KSR2: variants seen among roughly 807,000 people sequenced by gnomAD.
KSR2 encodes kinase suppressor of ras 2.
A neutral mutation model predicts 107.8 loss-of-function variants in KSR2; 25 were observed. The observed-to-expected ratio is 0.23, with a 90% confidence interval of 0.17 to 0.32. The LOEUF is 0.32. KSR2 is among the 10% of genes least tolerant of loss of function. The probability of loss-of-function intolerance (pLI) is 1.00; values close to 1 mark genes in which losing one functional copy is unlikely to be tolerated. For missense variants in KSR2, 887 were observed against 1,268.9 expected, an observed-to-expected ratio of 0.70 and a Z score of 4.57; for synonymous variants, 480 against 507.0, an observed-to-expected ratio of 0.95 and a Z score of 0.71.
intron 14 of KSR2, among the ~76,000 whole-genome samples, chr12:117,522,153 G>A (rs1196205242): frequency 6.6e-6 from 1 of 152,104 alleles, no homozygotes; most frequent in Non-Finnish European, 1.5e-5. Flanking sequence ...TCAGAATTTT[G>A]TACATAATAG....
chr12:117,852,181 G>T (rs1892951677), intron 3 of KSR2, among the ~76,000 whole-genome samples: 1 of 152,008 alleles, frequency 6.6e-6, no homozygotes, highest in Non-Finnish European at 1.5e-5. Flanking sequence ...CTAGCACTCT[G>T]GGAGGCCAAG....
intron 9 of KSR2, among the ~76,000 whole-genome samples, chr12:117,551,084 C>T (rs1386663737): frequency 1.3e-5 from 2 of 152,206 alleles, no homozygotes; most frequent in Non-Finnish European, 1.5e-5. Flanking sequence ...GAGATTCAGC[C>T]TCTGCCACTA....
chr12:117,734,322 C>G (rs898636911), intron 4 of KSR2, among the ~76,000 whole-genome samples: 1 of 150,534 alleles, frequency 6.6e-6, no homozygotes, highest in East Asian at 1.9e-4. Flanking sequence ...CACGACTACA[C>G]AGAGGCATTA....
chr12:117,482,171 G>A (rs552799467), intron 16 of KSR2, among the ~76,000 whole-genome samples: 5 of 151,876 alleles, frequency 3.3e-5, no homozygotes, highest in African/African-American at 1.2e-4. Flanking sequence ...GTCAAGCAGA[G>A]AGGCTGCATG....
At chr12:117,681,679 G>A (rs1885367630) in intron 4 of KSR2, among the ~76,000 whole-genome samples, 1 of 152,318 alleles carries the variant, frequency 6.6e-6, no homozygotes, top group East Asian at 1.9e-4. Flanking sequence ...TCACTTTAAA[G>A]TCTTTAATCC....
At chr12:117,957,650 G>A (rs1896552097) in intron 1 of KSR2, among the ~76,000 whole-genome samples, 1 of 152,130 alleles carries the variant, frequency 6.6e-6, no homozygotes, top group Non-Finnish European at 1.5e-5. Context: ...ATTGAAAGGT[G>A]ATGGATTACA....
chr12:117,468,102 T>C (rs1021675987), intron 19 of KSR2, among the ~76,000 whole-genome samples: 1 of 152,186 alleles, frequency 6.6e-6, no homozygotes, highest in African/African-American at 2.4e-5. Context: ...AGTTTTTGCT[T>C]GTTAAAGCTT....
intron 10 of KSR2, among the ~76,000 whole-genome samples, chr12:117,532,097 T>G (rs1339893872): frequency 6.6e-6 from 1 of 152,232 alleles, no homozygotes; most frequent in Admixed American, 6.5e-5. Flanking sequence ...AAATCCTTTG[T>G]GCTTTTTCTG....
Position 117,467,141 on chromosome 12 carries a change from T to G in KSR2, c.*58A>C. 1 of 650,614 alleles carries G rather than the reference T, an allele frequency of 1.5e-6. No homozygotes were observed. Among genetic ancestry groups the G allele is most frequent in the Non-Finnish European group, 2.8e-6 (1 of 359,572 alleles). The allele number at this position is 650,614 out of a possible 1,614,324, so 40.3% of individuals were successfully genotyped here. ...CCTCCTGAGCTGGCAGAGGACAGAG[T>G]AGGGAGGGAGAGGTGACGGGAGCCC... On this transcript the variant is annotated 3_prime_UTR_variant, in exon 20 of 20. Transcript: ENST00000339824.
At chr12:117,879,566 A>T (rs1893963218) in intron 1 of KSR2, among the ~76,000 whole-genome samples, 1 of 152,180 alleles carries the variant, frequency 6.6e-6, no homozygotes, top group Non-Finnish European at 1.5e-5. Context: ...AATAAAAAAT[A>T]ATTAGCCAGG....
At chr12:117,546,801 GTTCTAA>G (rs1876902946) in intron 9 of KSR2, among the ~76,000 whole-genome samples, 1 of 152,128 alleles carries the variant, frequency 6.6e-6, no homozygotes, top group Non-Finnish European at 1.5e-5. Flanking sequence ...CTAATTGTAT[GTTCTAA>G]ATTTTCTAAA....
chr12:117,856,922 C>G (rs1000646323), intron 2 of KSR2, among the ~76,000 whole-genome samples: 1 of 152,114 alleles, frequency 6.6e-6, no homozygotes, highest in Non-Finnish European at 1.5e-5. Context: ...AGCTATGGTG[C>G]CTTTTCAACT....
chr12:117,877,720 A>G (rs151181180), intron 1 of KSR2, among the ~76,000 whole-genome samples: 1 of 152,242 alleles, frequency 6.6e-6, no homozygotes, highest in Non-Finnish European at 1.5e-5. Flanking sequence ...GCTGCCCCCA[A>G]GCCTGTCCCC....
chr12:117,545,605 T>C (rs1421833515), intron 9 of KSR2, among the ~76,000 whole-genome samples: 1 of 152,250 alleles, frequency 6.6e-6, no homozygotes, highest in Non-Finnish European at 1.5e-5. Context: ...ATCCATTTGA[T>C]GACTGCAGGG....
At chr12:117,861,713 G>A (rs1368378621) in intron 1 of KSR2, among the ~76,000 whole-genome samples, 3 of 152,006 alleles carry the variant, frequency 2.0e-5, no homozygotes, top group Non-Finnish European at 4.4e-5. Flanking sequence ...TTTAGGGGAG[G>A]GAAGAGGAAG....
At chr12:117,489,853 G>A (rs921926522) in intron 14 of KSR2, among the ~76,000 whole-genome samples, 5 of 152,286 alleles carry the variant, frequency 3.3e-5, no homozygotes, top group Non-Finnish European at 4.4e-5. Flanking sequence ...AGGCTAGGGC[G>A]GCCCCGGCAA....
At chr12:117,520,444 G>C (rs1320652784) in intron 14 of KSR2, among the ~76,000 whole-genome samples, 1 of 152,160 alleles carries the variant, frequency 6.6e-6, no homozygotes, top group East Asian at 1.9e-4. Context: ...GGCTTCTGCT[G>C]GTTCAGAGCC....
At chr12:117,663,696 G>A (rs575146899) in intron 5 of KSR2, among the ~76,000 whole-genome samples, 1 of 152,264 alleles carries the variant, frequency 6.6e-6, no homozygotes, top group East Asian at 1.9e-4. Context: ...CTTTAAACCC[G>A]AAGTCACTTC....
intron 3 of KSR2, among the ~76,000 whole-genome samples, chr12:117,782,744 G>A (rs1383939635): frequency 1.3e-5 from 2 of 152,120 alleles, no homozygotes; most frequent in Non-Finnish European, 2.9e-5. Context: ...CCTCCTAAGT[G>A]AAAAAGCCAA....
Sources: allele counts gnomAD v4.1 joint callset (sites outside exome capture counted in the v4.1 genomes callset), GRCh38; gene constraint gnomAD v4.1.1; transcripts MANE v1.5; gene names NCBI Gene and HGNC (gene_info 2026-07-23, HGNC 2026-07-21).